The following TBC1D5 variants were observed in gnomAD, a reference collection of about 807,000 sequenced individuals.
TBC1D5 encodes TBC1 domain family, member 5.
Under a neutral mutation model 100.3 loss-of-function variants are expected in TBC1D5, and 75 were observed. The ratio of observed to expected loss-of-function variants is 0.75; its 90% CI spans 0.62 to 0.91. The LOEUF is 0.91. TBC1D5 is among the 40% of genes least tolerant of loss of function. TBC1D5 has a pLI of 0.00. For missense variants in TBC1D5, 910 were observed against 942.4 expected, an observed-to-expected ratio of 0.97 and a Z score of 0.45; for synonymous variants, 323 against 325.6, an observed-to-expected ratio of 0.99 and a Z score of 0.09.
chr3:17,265,081 G>A (rs1002695034), intron 15 of TBC1D5, among the ~76,000 whole-genome samples: 2 of 152,170 alleles, frequency 1.3e-5, no homozygotes, highest in African/African-American at 4.8e-5. Flanking sequence ...CAGAATAGGA[G>A]CACATAGGTT....
intron 18 of TBC1D5, among the ~76,000 whole-genome samples, chr3:17,207,763 G>C (rs904856337): frequency 6.6e-6 from 1 of 152,160 alleles, no homozygotes; most frequent in African/African-American, 2.4e-5. Flanking sequence ...TATAGATTTT[G>C]ACAATAATTT....
chr3:17,241,864 T>A (rs1423397930), intron 16 of TBC1D5, among the ~76,000 whole-genome samples: 1 of 152,046 alleles, frequency 6.6e-6, no homozygotes, highest in African/African-American at 2.4e-5. Context: ...TATAAATGTT[T>A]AAAAAAAACC....
chr3:17,475,181 CCCA>C, intron 3 of TBC1D5, among the ~76,000 whole-genome samples: 1 of 151,708 alleles, frequency 6.6e-6, no homozygotes, highest in African/African-American at 2.4e-5. Context: ...CTTGCCCCGC[CCCA>C]CCCGTTTATA....
At chr3:17,602,098 T>C (rs1203160207) in intron 2 of TBC1D5, among the ~76,000 whole-genome samples, 2 of 152,248 alleles carry the variant, frequency 1.3e-5, no homozygotes, top group African/African-American at 2.4e-5. Flanking sequence ...CCCAAAGTAC[T>C]GGTATTACAG....
chr3:17,698,997 G>T lies in TBC1D5; in HGVS notation c.-101+40346C>A, dbSNP rs892660677. The stretch of plus-strand genomic sequence containing the variant: ...GAAGTCAGTGTGGCGATTCCTCAGG[G>T]ATCTAGAACTCGAAATACCATTTGA... On this transcript the variant is annotated intron_variant, in intron 1 of 21. Transcript: ENST00000253692. Among the ~76,000 whole-genome samples the T allele has an allele frequency of 5.1e-4, 77 of 150,776 alleles. 1 individual carries two copies. The highest frequency in any genetic ancestry group is 1.2e-4 in the Non-Finnish European group (8 of 67,822).
intron 13 of TBC1D5, among the ~76,000 whole-genome samples, chr3:17,368,327 G>T (rs2092283886): frequency 6.6e-6 from 1 of 152,076 alleles, no homozygotes; most frequent in Non-Finnish European, 1.5e-5. Flanking sequence ...TTAGCAAAAT[G>T]CAGCAAGTGT....
chr3:17,274,243 C>A (rs1170251733), intron 15 of TBC1D5, among the ~76,000 whole-genome samples: 1 of 152,210 alleles, frequency 6.6e-6, no homozygotes, highest in African/African-American at 2.4e-5. Context: ...TGAAATCTCT[C>A]CTCCTTGTTT....
At chr3:17,295,623 C>G (rs1163149408) in intron 14 of TBC1D5, among the ~76,000 whole-genome samples, 1 of 152,148 alleles carries the variant, frequency 6.6e-6, no homozygotes, top group Non-Finnish European at 1.5e-5. Flanking sequence ...ACACATAATT[C>G]AAAACTAACC....
At chr3:17,233,056 G>A (rs924389086) in intron 17 of TBC1D5, among the ~76,000 whole-genome samples, 1 of 152,062 alleles carries the variant, frequency 6.6e-6, no homozygotes, top group Non-Finnish European at 1.5e-5. Context: ...AATTGCATAG[G>A]AGGTAGATGA....
At chr3:17,734,137 T>C (rs2076782146) in intron 1 of TBC1D5, among the ~76,000 whole-genome samples, 1 of 152,182 alleles carries the variant, frequency 6.6e-6, no homozygotes, top group Admixed American at 6.5e-5. Flanking sequence ...TGTAGCACTA[T>C]TTGTCATAAA....
chr3:17,409,350 G>T (rs2093859688), intron 4 of TBC1D5, among the ~76,000 whole-genome samples: 1 of 152,104 alleles, frequency 6.6e-6, no homozygotes, highest in Admixed American at 6.6e-5. Context: ...GATAAATGTT[G>T]TATGTGTTCT....
At chr3:17,423,848 G>T (rs1045922853) in intron 4 of TBC1D5, among the ~76,000 whole-genome samples, 2 of 152,010 alleles carry the variant, frequency 1.3e-5, no homozygotes, top group African/African-American at 4.8e-5. Flanking sequence ...CTAAGATGAG[G>T]TACAAAAATT....
At chr3:17,252,560 A>T (rs1364733482) in intron 16 of TBC1D5, among the ~76,000 whole-genome samples, 1 of 152,192 alleles carries the variant, frequency 6.6e-6, no homozygotes, top group Non-Finnish European at 1.5e-5. Context: ...TTTAAGATGT[A>T]TCCACATTCC....
chr3:17,735,085 C>T (rs2076858708), intron 1 of TBC1D5, among the ~76,000 whole-genome samples: 1 of 152,026 alleles, frequency 6.6e-6, no homozygotes, highest in Admixed American at 6.6e-5. Context: ...AGAGCAAGAC[C>T]TTGTCTTAAA....
intron 1 of TBC1D5, among the ~76,000 whole-genome samples, chr3:17,689,453 C>T (rs1419763793): frequency 1.4e-5 from 2 of 147,162 alleles, no homozygotes; most frequent in East Asian, 2.0e-4. Flanking sequence ...GCTGGAGGAT[C>T]GCTTGAGTTG....
Position 17,281,003 on chromosome 3 carries a change from C to T in TBC1D5, c.1245+10892G>A, listed in dbSNP as rs2080526454. 2.0e-5 allele frequency among the ~76,000 whole-genome samples: 3 copies of T among 152,218 alleles called. No individual in the cohort carries two copies. In the South Asian group the frequency reaches 6.2e-4, roughly 32 times the overall value. On this transcript the variant is annotated intron_variant, in intron 15 of 21. Transcript: ENST00000253692. ...ACCCCGGCTCCTGCAAGTGCTCCCT[C>T]CCGCAAGGGGTTGAGTGCAACAGGT...
At position 17,444,562 on chromosome 3, in the gene TBC1D5, T is replaced by A. The variant is rs529614096; in HGVS notation, c.98-16043A>T. Among the ~76,000 whole-genome samples the A allele has an allele frequency of 3.9e-5, 6 of 152,190 alleles. No individual in the cohort carries two copies. The East Asian group carries it at 1.2e-3, about 29-fold the overall frequency. ...CTGTTCTAAATAACACTATGATAAA[T>A]ACCTTTGTGCACAAATCCTTCCATG... On this transcript the variant is annotated intron_variant, in intron 3 of 21. Transcript: ENST00000253692.
chr3:17,376,424 C>T, intron 10 of TBC1D5, 101 bp downstream of exon 10: 2 of 964,904 alleles, frequency 2.1e-6, no homozygotes, highest in Admixed American at 4.9e-5. Context: ...ACTTGTACAG[C>T]TTGTAAGTAC....
At position 17,344,621 on chromosome 3, in the gene TBC1D5, C is replaced by A. The variant is rs185132074; in HGVS notation, c.995+27454G>T. On this transcript the variant is annotated intron_variant, in intron 13 of 21. Coordinates refer to ENST00000253692, the Ensembl canonical transcript of TBC1D5. ...CCCGCATCGCCAAGTCAATCCTAAG[C>A]CAAAAGAACGAAGCTGGAGGCATCA... Among the ~76,000 whole-genome samples, 1,174 of 152,232 alleles carry A rather than the reference C, an allele frequency of 7.7e-3. 10 individuals carry two copies. The highest frequency in any genetic ancestry group is 0.011 in the Non-Finnish European group (768 of 68,018).
Sources: allele counts gnomAD v4.1 joint callset (sites outside exome capture counted in the v4.1 genomes callset), GRCh38; gene constraint gnomAD v4.1.1; transcripts MANE v1.5; gene names NCBI Gene and HGNC (gene_info 2026-07-23, HGNC 2026-07-21).